The following TJP1 variants were observed in gnomAD, a reference collection of about 807,000 sequenced individuals.
TJP1 encodes the protein tight junction protein ZO-1.
A neutral mutation model predicts 194.2 loss-of-function variants in TJP1; 43 were observed. That is an observed-to-expected ratio of 0.22 (90% CI 0.17 to 0.29). TJP1 has a LOEUF of 0.29. Among genes scored for constraint, TJP1 ranks in the 10% least tolerant of loss-of-function variants. The probability of loss-of-function intolerance (pLI) is 1.00; values close to 1 mark genes in which losing one functional copy is unlikely to be tolerated. For synonymous variants in TJP1, 801 were observed against 779.0 expected (o/e 1.03, Z -0.47); for missense variants, 1,971 against 2,185.7 (o/e 0.90, Z 1.96).
intron 15 of TJP1, chr15:29,728,904 G>C (rs1197356621): frequency 6.6e-6 from 1 of 151,986 alleles, no homozygotes; most frequent in Admixed American, 6.6e-5. Flanking sequence ...TGGGAATTTT[G>C]GCTGGAAAAA....
chr15:29,857,217 T>C (rs1011544007), intron 2 of TJP1, among the ~76,000 whole-genome samples: 1 of 151,848 alleles, frequency 6.6e-6, no homozygotes, highest in Non-Finnish European at 1.5e-5. Flanking sequence ...ATTAGAGAAG[T>C]TATAAAAGAC....
chr15:29,741,278 G>T, intron 10 of TJP1, 53 bp downstream of exon 10: 1 of 1,349,812 alleles, frequency 7.4e-7, no homozygotes, highest in Non-Finnish European at 1.0e-6. Context: ...TTCCTACTCT[G>T]AATAATGTTA....
chr15:29,916,024 C>T (rs2054172190), intron 2 of TJP1, among the ~76,000 whole-genome samples: 1 of 152,060 alleles, frequency 6.6e-6, no homozygotes, highest in South Asian at 2.1e-4. Context: ...GCGGGCGGAT[C>T]ACCTGAGGTC....
Position 29,761,675 on chromosome 15 carries a change from T to C in TJP1, c.788A>G (p.Asp263Gly). ...GACATTCAATAGCGTAGCCCGTTCA[T>C]CTCTTTGAACTACCATTTTTAATTT... ...KGKLKMVVQR[D>G]ERATLLNVPD... The change falls in exon 7 of 28, where the codon GAT becomes GGT. Residue 263 changes from aspartate (D) to glycine (G), a missense_variant. Asp to Gly is a moderately conservative substitution (Grantham distance 94). Transcript: ENST00000614355. The C allele has an allele frequency of 1.2e-6, 2 of 1,610,886 alleles. No individual in the cohort carries two copies. The highest frequency in any genetic ancestry group is 1.7e-6 in the Non-Finnish European group (2 of 1,177,432).
chr15:29,797,580 G>A (rs1285482790), intron 2 of TJP1, among the ~76,000 whole-genome samples: 2 of 141,478 alleles, frequency 1.4e-5, no homozygotes, highest in Non-Finnish European at 1.5e-5. Flanking sequence ...TCCTGAATAC[G>A]TTAAAAAAAA....
intron 1 of TJP1, among the ~76,000 whole-genome samples, chr15:29,958,653 A>G (rs2056038895): frequency 6.6e-6 from 1 of 152,134 alleles, no homozygotes. Context: ...TCCATCACAC[A>G]CGTATATGTA....
chr15:29,945,776 A>ACACACAC (rs2055256080), intron 2 of TJP1, among the ~76,000 whole-genome samples: 3 of 150,028 alleles, frequency 2.0e-5, no homozygotes, highest in African/African-American at 7.3e-5. Context: ...AAGGCTATTA[A>ACACACAC]ACACACACAC....
chr15:29,718,518 G>A lies in TJP1; in HGVS notation c.3624C>T (p.Thr1208=), dbSNP rs910994829. The A allele has an allele frequency of 5.0e-6, 8 of 1,614,028 alleles. No homozygotes were observed. The highest frequency in any genetic ancestry group is 5.9e-6 in the Non-Finnish European group (7 of 1,180,036). ...SYEQVPPQGF[T]SRAGHFEPLH... ...GAGGCTCAAAATGACCTGCTCTAGA[G>A]GTAAATCCTTGGGGTGGTACTTGCT... Residue 1208 remains threonine (T), a synonymous_variant, in exon 21 of 28, where the codon ACC becomes ACT. Transcript: ENST00000614355.
At chr15:29,731,723 A>G (rs188511313) in intron 15 of TJP1, among the ~76,000 whole-genome samples, 1 of 151,890 alleles carries the variant, frequency 6.6e-6, no homozygotes, top group African/African-American at 2.4e-5. Flanking sequence ...ACTGTTAACG[A>G]TTGTCTGCCC....
chr15:29,866,073 C>T (rs891168915), intron 2 of TJP1, among the ~76,000 whole-genome samples: 1 of 152,202 alleles, frequency 6.6e-6, no homozygotes, highest in East Asian at 1.9e-4. Context: ...CTGACATAAA[C>T]TTTGATGTAA....
rs1238561267 is a variant in TJP1 at position 29,720,789 on chromosome 15, A to G, written c.2413-81T>C. 4 of 1,123,914 alleles carry G rather than the reference A, an allele frequency of 3.6e-6. No homozygotes were observed. In the Admixed American group the frequency reaches 8.3e-5, roughly 23 times the overall value. 69.6% of individuals were successfully genotyped at this position (1,123,914 alleles called of 1,614,324 possible). On this transcript the variant is annotated intron_variant, in intron 18 of 27. Coordinates refer to ENST00000614355, the MANE Select transcript of TJP1 (RefSeq NM_001330239.4). Reference sequence around the variant, plus strand: ...CCTTTATCGTACAAGGCAGATTGAAAAGGATATCTTTCTCTGGAGAAGTCA... The same window carrying G: ...CCTTTATCGTACAAGGCAGATTGAAGAGGATATCTTTCTCTGGAGAAGTCA...
At chr15:29,879,682 G>A (rs529764287) in intron 2 of TJP1, among the ~76,000 whole-genome samples, 4 of 151,354 alleles carry the variant, frequency 2.6e-5, no homozygotes, top group Admixed American at 6.6e-5. Context: ...TCAGGTGTGT[G>A]CACTTTCGCA....
chr15:29,949,868 T>A lies in TJP1; in HGVS notation c.306+6364A>T, dbSNP rs891901972. Among the ~76,000 whole-genome samples the A allele has an allele frequency of 4.7e-3, 105 of 22,552 alleles. 2 individuals are homozygous for A. Among genetic ancestry groups the A allele is most frequent in the African/African-American group, 0.016 (46 of 2,816 alleles). 14.8% of individuals were successfully genotyped at this position (22,552 alleles called of 152,430 possible). ...AACCACCACCTCCACAACCACCACC[T>A]CCACCTCCACAACCACCACCTCCAC... On this transcript the variant is annotated intron_variant, in intron 2 of 28. Transcript: ENST00000356107.
chr15:29,929,487 A>T (rs551965107), intron 2 of TJP1, among the ~76,000 whole-genome samples: 12 of 152,194 alleles, frequency 7.9e-5, no homozygotes, highest in Non-Finnish European at 1.6e-4. Flanking sequence ...ACATGAGGTC[A>T]GAAGTTTGAT....
chr15:29,728,794 G>T (rs187425374), intron 15 of TJP1: 1 of 152,178 alleles, frequency 6.6e-6, no homozygotes, highest in Non-Finnish European at 1.5e-5. Flanking sequence ...CAAGATAAAT[G>T]ATTTTGGAGA....
chr15:29,887,803 C>A (rs1037593129), intron 2 of TJP1, among the ~76,000 whole-genome samples: 2 of 152,164 alleles, frequency 1.3e-5, no homozygotes, highest in African/African-American at 2.4e-5. Context: ...AAAGACTAAT[C>A]GCTTTCCAAT....
chr15:29,960,842 G>C (rs1368975988), intron 1 of TJP1, among the ~76,000 whole-genome samples: 1 of 151,942 alleles, frequency 6.6e-6, no homozygotes, highest in Non-Finnish European at 1.5e-5. Flanking sequence ...AAAGGCATAT[G>C]GCTCAATAAT....
chr15:29,742,303 T>C (rs184192801), intron 9 of TJP1, among the ~76,000 whole-genome samples: 2 of 152,222 alleles, frequency 1.3e-5, no homozygotes, highest in African/African-American at 2.4e-5. Context: ...AAAATGTTTA[T>C]GAAAACACTT....
At chr15:29,881,094 C>T (rs77189993) in intron 2 of TJP1, among the ~76,000 whole-genome samples, 7,468 of 152,264 alleles carry the variant, frequency 0.049, 315 homozygotes, top group African/African-American at 0.11. Flanking sequence ...TCCACATGAT[C>T]TCCAACACTT....
Sources: gnomAD v4.1 joint callset for allele counts (sites outside exome capture counted in the v4.1 genomes callset) on GRCh38, gnomAD v4.1.1 for gene constraint, MANE v1.5 for transcripts, NCBI Gene and HGNC (gene_info 2026-07-23, HGNC 2026-07-21) for gene names.